DCAF8L2: variants seen among roughly 807,000 people sequenced by gnomAD.
The protein encoded by DCAF8L2 is DDB1 and CUL4 associated factor 8 like 2, also known as DDB1- and CUL4-associated factor 8-like protein 2.
For synonymous variants in DCAF8L2, 200 were observed against 190.9 expected, an observed-to-expected ratio of 1.05 and a Z score of -0.39; for missense variants, 430 against 490.7, an observed-to-expected ratio of 0.88 and a Z score of 1.17.
Position 27,747,466 on chromosome X carries a change from A to T in DCAF8L2, c.571A>T (p.Thr191Ser). The change falls in exon 5 of 5, where the codon ACT becomes TCT. Residue 191 changes from threonine to serine, a missense_variant. Coordinates refer to ENST00000451261, the MANE Select transcript of DCAF8L2 (RefSeq NM_001353450.2). ...GCCCCGACCTCGCTGGCAGGTCGTT[A>T]CTGCTCTTCACCAGCGGCAGCTGGG... The part of the protein sequence containing the change: ...ALPRPRWQVV[T>S]ALHQRQLGSR... 1 of 1,175,517 alleles carries T rather than the reference A, an allele frequency of 8.5e-7. No homozygotes were observed.
At chrX:27,547,644 T>A in the DCAF8L2 span, among the ~76,000 whole-genome samples, 9 of 110,412 alleles carry the variant, frequency 8.2e-5, no homozygotes, top group Non-Finnish European at 1.7e-4. Flanking sequence ...CCATCATATC[T>A]CATGAGAACT....
intron 4 of DCAF8L2, among the ~76,000 whole-genome samples, chrX:27,725,957 A>G (rs777150712): frequency 9.0e-6 from 1 of 111,611 alleles, no homozygotes; most frequent in Non-Finnish European, 1.9e-5. Flanking sequence ...TAATGTAGCT[A>G]TCTTTGAAAA....
intron 1 of DCAF8L2, among the ~76,000 whole-genome samples, chrX:27,622,390 A>G (rs1927817258): frequency 1.8e-5 from 2 of 108,586 alleles, no homozygotes; most frequent in South Asian, 7.8e-4. Flanking sequence ...GCGCCACTGC[A>G]CTCCAGCCTG....
chrX:27,614,133 T>C (rs1209655605), intron 1 of DCAF8L2, among the ~76,000 whole-genome samples: 1 of 111,410 alleles, frequency 9.0e-6, no homozygotes, highest in Non-Finnish European at 1.9e-5. Flanking sequence ...TTTCAGAGCC[T>C]GTTATTGGTC....
chrX:27,731,675 T>C (rs1921215122), intron 4 of DCAF8L2, among the ~76,000 whole-genome samples: 1 of 111,428 alleles, frequency 9.0e-6, no homozygotes, highest in African/African-American at 3.3e-5. Flanking sequence ...GCATAGGGAT[T>C]CAACATATGA....
chrX:27,664,826 A>T (rs1412469146), intron 2 of DCAF8L2, among the ~76,000 whole-genome samples: 1 of 111,391 alleles, frequency 9.0e-6, no homozygotes, highest in Non-Finnish European at 1.9e-5. Context: ...TAGAAAAAAA[A>T]GCCTGCATGG....
intron 4 of DCAF8L2, among the ~76,000 whole-genome samples, chrX:27,744,107 A>C (rs771736700): frequency 6.3e-5 from 7 of 111,184 alleles, no homozygotes; most frequent in African/African-American, 1.6e-4. Flanking sequence ...GCTTCCTACT[A>C]CTTGCATGGG....
the DCAF8L2 span, among the ~76,000 whole-genome samples, chrX:27,486,987 A>G: frequency 2.7e-5 from 3 of 111,117 alleles, no homozygotes; most frequent in East Asian, 8.5e-4. Flanking sequence ...CAACATGTCA[A>G]ATTTTGCAAA....
At chrX:27,618,169 T>C (rs1302124507) in intron 1 of DCAF8L2, among the ~76,000 whole-genome samples, 1 of 111,762 alleles carries the variant, frequency 8.9e-6, no homozygotes, top group African/African-American at 3.2e-5. Flanking sequence ...GACATACACA[T>C]AGAAAACATT....
chrX:27,622,317 A>T (rs5926844), intron 1 of DCAF8L2, among the ~76,000 whole-genome samples: 1 of 97,342 alleles, frequency 1.0e-5, no homozygotes, highest in Non-Finnish European at 2.0e-5. Flanking sequence ...CCTAGCTACT[A>T]GGGAGGCTGA....
chrX:27,567,084 T>A, the DCAF8L2 span, among the ~76,000 whole-genome samples: 1 of 111,784 alleles, frequency 8.9e-6, no homozygotes, highest in East Asian at 2.8e-4. Flanking sequence ...TCCACCGTGG[T>A]CCGAGATGAT....
chrX:27,593,210 C>T (rs1204963201), intron 1 of DCAF8L2, among the ~76,000 whole-genome samples: 1 of 111,730 alleles, frequency 9.0e-6, no homozygotes, highest in Non-Finnish European at 1.9e-5. Flanking sequence ...ATCATCTGTA[C>T]CCGTCACACA....
At chrX:27,520,189 A>G in the DCAF8L2 span, among the ~76,000 whole-genome samples, 1 of 111,772 alleles carries the variant, frequency 8.9e-6, no homozygotes, top group Middle Eastern at 4.5e-3. Flanking sequence ...TCCTAATAAT[A>G]TTTTTTAAAA....
chrX:27,479,325 G>A, the DCAF8L2 span, among the ~76,000 whole-genome samples: 17 of 111,089 alleles, frequency 1.5e-4, no homozygotes, highest in South Asian at 4.6e-3. Flanking sequence ...CACATTTCTC[G>A]CTGGCACCTT....
the DCAF8L2 span, among the ~76,000 whole-genome samples, chrX:27,560,286 A>T: frequency 2.9e-5 from 3 of 104,781 alleles, no homozygotes; most frequent in African/African-American, 1.0e-4. Context: ...AAAAAAAAAG[A>T]TGACAAGGTG....
chrX:27,476,123 A>T, the DCAF8L2 span, among the ~76,000 whole-genome samples: 1 of 110,905 alleles, frequency 9.0e-6, no homozygotes, highest in African/African-American at 3.3e-5. Flanking sequence ...AGGGGACAAG[A>T]GGAGAAAGGA....
the DCAF8L2 span, among the ~76,000 whole-genome samples, chrX:27,558,377 G>C: frequency 9.0e-6 from 1 of 111,070 alleles, no homozygotes; most frequent in Admixed American, 9.6e-5. Context: ...GGGAAATTGT[G>C]CCCTCTTTTG....
At chrX:27,611,189 G>A (rs973771285) in intron 1 of DCAF8L2, among the ~76,000 whole-genome samples, 1 of 110,949 alleles carries the variant, frequency 9.0e-6, no homozygotes. Context: ...GTACACTACG[G>A]GGATGGGATA....
intron 4 of DCAF8L2, among the ~76,000 whole-genome samples, chrX:27,730,805 A>G (rs1921149976): frequency 9.0e-6 from 1 of 111,168 alleles, no homozygotes; most frequent in Non-Finnish European, 1.9e-5. Flanking sequence ...GCACTCATAT[A>G]TTTAAAATAA....
Sources: gnomAD v4.1 joint callset for allele counts (sites outside exome capture counted in the v4.1 genomes callset) on GRCh38, gnomAD v4.1.1 for gene constraint, MANE v1.5 for transcripts, NCBI Gene and HGNC (gene_info 2026-07-23, HGNC 2026-07-21) for gene names.